Variants in SAP30BP observed in about 807,000 individuals in gnomAD.
SAP30BP encodes SAP30-binding protein.
Under a neutral mutation model 46.3 loss-of-function variants are expected in SAP30BP, and 31 were observed. That is an observed-to-expected ratio of 0.67 (90% CI 0.50 to 0.90). The LOEUF (loss-of-function observed/expected upper bound fraction) is 0.90. Ranked by LOEUF, SAP30BP falls within the 40% of genes least tolerant of loss-of-function variation. The pLI, the probability that SAP30BP is intolerant of heterozygous loss-of-function variation, is 0.00. For missense variants in SAP30BP, 312 were observed against 391.0 expected, an observed-to-expected ratio of 0.80 and a Z score of 1.70; for synonymous variants, 169 against 144.2, an observed-to-expected ratio of 1.17 and a Z score of -1.23.
chr17:75,684,867 G>A (rs1169642295), intron 3 of SAP30BP: 1 of 152,206 alleles, frequency 6.6e-6, no homozygotes, highest in Non-Finnish European at 1.5e-5. Flanking sequence ...CTTTGGCTTT[G>A]TCCTGCCACC....
chr17:75,671,407 A>G (rs2059905884), intron 2 of SAP30BP, among the ~76,000 whole-genome samples: 1 of 152,240 alleles, frequency 6.6e-6, no homozygotes, highest in Non-Finnish European at 1.5e-5. Flanking sequence ...TGAAAAGGAA[A>G]GAAGGCTCAT....
chr17:75,687,678 T>A (rs2060177072), intron 3 of SAP30BP, among the ~76,000 whole-genome samples: 2 of 152,156 alleles, frequency 1.3e-5, no homozygotes, highest in Non-Finnish European at 2.9e-5. Flanking sequence ...TTGAAATTTT[T>A]TTGTAATTCA....
chr17:75,698,524 G>C (rs2060356782), intron 4 of SAP30BP, among the ~76,000 whole-genome samples: 1 of 151,074 alleles, frequency 6.6e-6, no homozygotes, highest in Non-Finnish European at 1.5e-5. Flanking sequence ...GGCTGGAGCT[G>C]GTTTACAGAC....
Position 75,667,349 on chromosome 17 carries a change from C to G in SAP30BP, c.-24C>G, listed in dbSNP as rs753962375. ...CGGCGTCTTGAGTCATAGGAGTGAG[C>G]CACGCCCGGGCTGTGGGAATAAGAT... is the stretch of plus-strand genomic sequence containing the variant. On this transcript the variant is annotated 5_prime_UTR_variant, in exon 1 of 11. Coordinates refer to ENST00000584667, the MANE Select transcript of SAP30BP (RefSeq NM_013260.8). 39 of 1,611,896 alleles carry G rather than the reference C, an allele frequency of 2.4e-5. No individual in the cohort carries two copies. The East Asian group carries it at 8.5e-4, about 35-fold the overall frequency.
rs2060503480 is a variant in SAP30BP, at chr17:75,706,769, C to T, written c.*248C>T. 2 of 539,418 alleles carry T rather than the reference C, an allele frequency of 3.7e-6. No individual in the cohort carries two copies. Among genetic ancestry groups the T allele is most frequent in the East Asian group, 3.1e-5 (1 of 32,528 alleles). 33.4% of individuals were successfully genotyped at this position (539,418 alleles called of 1,614,324 possible). Reference sequence around the variant, plus strand: ...GTGCCGTATTCTTACCTCTTGGCATCTCAGATGCACTGGCCTCTCCTGCAT... The same window carrying T: ...GTGCCGTATTCTTACCTCTTGGCATTTCAGATGCACTGGCCTCTCCTGCAT... On this transcript the variant is annotated 3_prime_UTR_variant, in exon 11 of 11. Transcript: ENST00000584667. The surrounding 1 kb of genome is among the most constrained non-coding windows in gnomAD (Gnocchi z 4.6).
chr17:75,706,144 C>T lies in SAP30BP; in HGVS notation c.745+52C>T. On this transcript the variant is annotated intron_variant, in intron 10 of 10. Transcript: ENST00000584667. The surrounding 1 kb of genome is among the most constrained non-coding windows in gnomAD (Gnocchi z 4.6). Reference sequence around the variant, plus strand: ...TGCCACACACATGGAGCCAGGGTCTCCCTGGCTTGTTTGGGCGACAGACAG... The same window carrying T: ...TGCCACACACATGGAGCCAGGGTCTTCCTGGCTTGTTTGGGCGACAGACAG... 1 of 1,585,784 alleles carries T rather than the reference C, an allele frequency of 6.3e-7. No homozygotes were observed. Among genetic ancestry groups the T allele is most frequent in the Non-Finnish European group, 8.6e-7 (1 of 1,166,964 alleles).
chr17:75,682,756 T>G (rs8080975), intron 3 of SAP30BP, among the ~76,000 whole-genome samples: 137,621 of 151,510 alleles, frequency 0.91, 63,655 homozygotes, highest in East Asian at 1. Flanking sequence ...GAGGTCAGGA[T>G]ATCAAGACCA....
At chr17:75,700,097 G>A in intron 5 of SAP30BP, 1 of 360,196 alleles carries the variant, frequency 2.8e-6, no homozygotes, top group East Asian at 4.6e-5. Context: ...TGCTCCAGCA[G>A]GGCGGCCCTG....
At chr17:75,699,064 C>T (rs2060365505) in intron 4 of SAP30BP, among the ~76,000 whole-genome samples, 3 of 152,200 alleles carry the variant, frequency 2.0e-5, no homozygotes, top group Admixed American at 2.0e-4. Flanking sequence ...TGGTGGCATG[C>T]ACCTGTAGTC....
intron 3 of SAP30BP, among the ~76,000 whole-genome samples, chr17:75,682,667 T>C (rs372771350): frequency 2.6e-5 from 4 of 152,120 alleles, no homozygotes; most frequent in East Asian, 1.9e-4. Context: ...CACTGAAGAA[T>C]TGTATGGCAT....
intron 3 of SAP30BP, among the ~76,000 whole-genome samples, chr17:75,687,774 G>A (rs907792745): frequency 6.6e-6 from 1 of 151,896 alleles, no homozygotes; most frequent in Non-Finnish European, 1.5e-5. Flanking sequence ...CTCTTCTGCT[G>A]CCTGTCCGTC....
intron 3 of SAP30BP, among the ~76,000 whole-genome samples, chr17:75,687,776 C>T (rs1432527875): frequency 6.6e-6 from 1 of 151,942 alleles, no homozygotes; most frequent in Non-Finnish European, 1.5e-5. Flanking sequence ...CTTCTGCTGC[C>T]TGTCCGTCTG....
intron 4 of SAP30BP, among the ~76,000 whole-genome samples, chr17:75,695,884 G>A (rs574957353): frequency 6.6e-6 from 1 of 152,314 alleles, no homozygotes; most frequent in African/African-American, 2.4e-5. Context: ...GGCTGAGCCT[G>A]GAGCAGTGGT....
chr17:75,674,566 GA>G (rs759476182), intron 3 of SAP30BP, among the ~76,000 whole-genome samples: 1 of 151,996 alleles, frequency 6.6e-6, no homozygotes, highest in Non-Finnish European at 1.5e-5. Context: ...AAAGTGCTGG[GA>G]TTACAGGCAT....
intron 5 of SAP30BP, among the ~76,000 whole-genome samples, chr17:75,700,564 A>G (rs539731895): frequency 1.2e-4 from 19 of 152,304 alleles, no homozygotes; most frequent in African/African-American, 4.6e-4. Flanking sequence ...CTCTGGCTAC[A>G]CAGCAAGCCC....
At position 75,667,596 on chromosome 17, in the gene SAP30BP, A is replaced by G. The variant is rs548055845; in HGVS notation, c.106+118A>G. The G allele has an allele frequency of 9.0e-5, 78 of 863,632 alleles. No homozygotes were observed. In the South Asian group the frequency reaches 1.1e-3, roughly 12 times the overall value. 53.5% of individuals were successfully genotyped at this position (863,632 alleles called of 1,614,324 possible). A position where few individuals can be genotyped will look rare whatever the true frequency, so the allele number is the denominator to read the frequency against. On this transcript the variant is annotated intron_variant, in intron 1 of 10. Transcript: ENST00000584667. ...TGCTCCAAGCACCGGACCCCGAAGA[A>G]TGGTCCAGGGTCCGGGGTGAGATAG... is the stretch of plus-strand genomic sequence containing the variant.
At chr17:75,688,458 C>G (rs1449341490) in intron 3 of SAP30BP, among the ~76,000 whole-genome samples, 1 of 152,130 alleles carries the variant, frequency 6.6e-6, no homozygotes, top group African/African-American at 2.4e-5. Flanking sequence ...TCGGGGCTGG[C>G]TGCCCTGTGC....
At chr17:75,675,028 A>G (rs1277781506) in intron 3 of SAP30BP, among the ~76,000 whole-genome samples, 3 of 152,118 alleles carry the variant, frequency 2.0e-5, no homozygotes, top group Non-Finnish European at 4.4e-5. Flanking sequence ...AGTTTCTAAC[A>G]ATAGAATATG....
At chr17:75,697,019 C>T (rs936834464) in intron 4 of SAP30BP, among the ~76,000 whole-genome samples, 7 of 151,998 alleles carry the variant, frequency 4.6e-5, no homozygotes, top group Admixed American at 2.6e-4. Context: ...CCTTGTGATC[C>T]GCCCGCCTCG....
Sources: allele counts gnomAD v4.1 joint callset (sites outside exome capture counted in the v4.1 genomes callset), GRCh38; gene constraint gnomAD v4.1.1; non-coding constraint Gnocchi (gnomAD v3.1); transcripts MANE v1.5; gene names NCBI Gene and HGNC (gene_info 2026-07-23, HGNC 2026-07-21).